The following CERS3 variants were observed in gnomAD, a reference collection of about 807,000 sequenced individuals.
CERS3 encodes the protein ceramide synthase 3, also known as LAG1 homolog, ceramide synthase 3.
CERS3 carries 33 observed loss-of-function variants against 50.3 expected under a neutral mutation model. The observed-to-expected ratio is 0.66, with a 90% CI of 0.50 to 0.88. CERS3 has a LOEUF of 0.88. Ranked by LOEUF, CERS3 falls within the 40% of genes least tolerant of loss-of-function variation. The probability of loss-of-function intolerance (pLI) is 0.00; values close to 1 mark genes in which losing one functional copy is unlikely to be tolerated. For missense variants in CERS3, 470 were observed against 460.3 expected (o/e 1.02, Z -0.19); for synonymous variants, 176 against 155.2 (o/e 1.13, Z -0.99).
At chr15:100,484,485 C>T (rs1478167758) in intron 5 of CERS3, 65 bp downstream of exon 5, 7 of 1,124,004 alleles carry the variant, frequency 6.2e-6, no homozygotes, top group Admixed American at 3.4e-5. Context: ...AGTATTCTCT[C>T]TGCAAGGACC....
At chr15:100,482,642 C>T (rs2035347669) in intron 5 of CERS3, among the ~76,000 whole-genome samples, 1 of 151,702 alleles carries the variant, frequency 6.6e-6, no homozygotes, top group Non-Finnish European at 1.5e-5. Flanking sequence ...TATTAAAATC[C>T]TGAATGCTGT....
intron 5 of CERS3, among the ~76,000 whole-genome samples, chr15:100,483,639 G>A (rs2035383028): frequency 6.6e-6 from 1 of 151,844 alleles, no homozygotes; most frequent in Non-Finnish European, 1.5e-5. Context: ...GGAGTCAGAA[G>A]ATCTGAATGC....
intron 10 of CERS3, among the ~76,000 whole-genome samples, chr15:100,463,902 G>T (rs1363125861): frequency 6.6e-6 from 1 of 152,232 alleles, no homozygotes; most frequent in Non-Finnish European, 1.5e-5. Context: ...CAGAGGAAAA[G>T]AAGGGTCCAT....
chr15:100,488,987 G>A (rs1048398165), intron 4 of CERS3, among the ~76,000 whole-genome samples: 1 of 152,142 alleles, frequency 6.6e-6, no homozygotes, highest in Non-Finnish European at 1.5e-5. Context: ...ATGTTGGCCA[G>A]GATGGTCTCG....
intron 11 of CERS3, among the ~76,000 whole-genome samples, chr15:100,414,819 T>TGAAAA (rs1555519550): frequency 7.1e-6 from 1 of 141,208 alleles, no homozygotes; most frequent in African/African-American, 2.6e-5. Flanking sequence ...CCAAAATGAT[T>TGAAAA]AAAAAAAAAA....
chr15:100,536,140 ATATCCCTGTGCTCATATGTGCATGGGAAG>A (rs1567691245), intron 1 of CERS3, among the ~76,000 whole-genome samples: 1 of 111,172 alleles, frequency 9.0e-6, no homozygotes, highest in African/African-American at 3.4e-5. Flanking sequence ...GGAAGTGGGG[ATATCCCTGTGCTCATATGTGCATGGGAAG>A]TGGGGATATT....
intron 11 of CERS3, among the ~76,000 whole-genome samples, chr15:100,454,506 G>C (rs539903086): frequency 6.6e-6 from 1 of 151,868 alleles, no homozygotes; most frequent in South Asian, 2.1e-4. Context: ...TCCACATGCA[G>C]AAGATTGAAA....
At chr15:100,520,725 C>A (rs981698781) in intron 2 of CERS3, among the ~76,000 whole-genome samples, 2 of 151,978 alleles carry the variant, frequency 1.3e-5, no homozygotes, top group Admixed American at 6.5e-5. Flanking sequence ...CAGAGTGTTG[C>A]CTTGGATGGG....
At chr15:100,454,855 C>A (rs2034305862) in intron 11 of CERS3, among the ~76,000 whole-genome samples, 1 of 152,048 alleles carries the variant, frequency 6.6e-6, no homozygotes. Context: ...ACAGGGAACT[C>A]AAACAGCTCA....
intron 11 of CERS3, among the ~76,000 whole-genome samples, chr15:100,431,489 A>G (rs1264170655): frequency 2.0e-5 from 3 of 152,208 alleles, no homozygotes; most frequent in Non-Finnish European, 2.9e-5. Context: ...ATGTAACACA[A>G]AAGTCCACTA....
At chr15:100,445,002 G>A (rs1171210040) in intron 11 of CERS3, among the ~76,000 whole-genome samples, 1 of 151,932 alleles carries the variant, frequency 6.6e-6, no homozygotes, top group Non-Finnish European at 1.5e-5. Flanking sequence ...CAGTCTTCAG[G>A]AAAGGTAGAA....
In CERS3 at chr15:100,523,060, T is replaced by C. The variant is rs368399495; in HGVS notation, c.-91-1304A>G. On this transcript the variant is annotated intron_variant, in intron 1 of 11. Coordinates refer to ENST00000679737, the MANE Select transcript of CERS3 (RefSeq NM_001378789.1). Reference sequence around the variant, plus strand: ...GTGGTACTTCATTGCAGTTTTAATCTGCATTCCCCAGAAAGCTAACAAGGT... The same window carrying C: ...GTGGTACTTCATTGCAGTTTTAATCCGCATTCCCCAGAAAGCTAACAAGGT... 3.3e-5 allele frequency among the ~76,000 whole-genome samples: 5 copies of C among 152,352 alleles called. 1 individual carries two copies. The highest frequency in any genetic ancestry group is 1.2e-4 in the African/African-American group (5 of 41,584).
chr15:100,446,790 G>A (rs1360761124), intron 11 of CERS3, among the ~76,000 whole-genome samples: 1 of 152,094 alleles, frequency 6.6e-6, no homozygotes, highest in Non-Finnish European at 1.5e-5. Context: ...ACATTCCAAT[G>A]TAAACCTGAA....
chr15:100,429,129 A>C (rs891495006), intron 11 of CERS3, among the ~76,000 whole-genome samples: 1 of 152,210 alleles, frequency 6.6e-6, no homozygotes, highest in Admixed American at 6.5e-5. Context: ...TTCTAAACCC[A>C]ACTAGAAGCC....
chr15:100,454,226 G>A (rs1167256319), intron 11 of CERS3, among the ~76,000 whole-genome samples: 5 of 151,932 alleles, frequency 3.3e-5, no homozygotes, highest in East Asian at 3.9e-4. Flanking sequence ...CCATCTCTAC[G>A]AAAAATTTTA....
chr15:100,402,829 C>T lies in CERS3; in HGVS notation c.1036G>A (p.Glu346Lys), dbSNP rs763365507. The T allele has an allele frequency of 1.4e-5, 22 of 1,612,266 alleles. No homozygotes were observed. The South Asian group carries it at 2.4e-4, about 18-fold the overall frequency. The change falls in exon 12 of 12, where the codon GAA becomes AAA. Residue 346 changes from glutamate to lysine, a missense_variant. Coordinates refer to ENST00000679737, the MANE Select transcript of CERS3 (RefSeq NM_001378789.1). ...QDVRSDDEDYEEEEEEEEEEA... is the reference protein window; with the variant it reads ...QDVRSDDEDYKEEEEEEEEEA... ...TCTTCTTCCTCTTCCTCTTCCTCTT[C>T]ATAATCCTCGTCATCACTCCTCACA...
At chr15:100,498,953 A>C (rs1305761699) in intron 3 of CERS3, among the ~76,000 whole-genome samples, 1 of 152,180 alleles carries the variant, frequency 6.6e-6, no homozygotes, top group Admixed American at 6.5e-5. Context: ...AAAAAGTCTA[A>C]TGTGCATATT....
intron 10 of CERS3, among the ~76,000 whole-genome samples, chr15:100,459,316 G>A (rs1229928465): frequency 6.6e-6 from 1 of 151,196 alleles, no homozygotes; most frequent in Non-Finnish European, 1.5e-5. Context: ...TTTTTTTTGA[G>A]ACATGGTCTC....
At chr15:100,444,651 T>G (rs1397214244) in intron 11 of CERS3, among the ~76,000 whole-genome samples, 1 of 152,178 alleles carries the variant, frequency 6.6e-6, no homozygotes, top group African/African-American at 2.4e-5. Flanking sequence ...CTACTGCTCC[T>G]CAGGGATTAT....
Sources: gnomAD v4.1 joint callset for allele counts (sites outside exome capture counted in the v4.1 genomes callset) on GRCh38, gnomAD v4.1.1 for gene constraint, MANE v1.5 for transcripts, NCBI Gene and HGNC (gene_info 2026-07-23, HGNC 2026-07-21) for gene names.